The following ATP11C variants were observed in gnomAD, a reference collection of about 807,000 sequenced individuals.
ATP11C encodes ATPase phospholipid transporting 11C (ATP11C blood group).
Under a neutral mutation model 97.4 loss-of-function variants are expected in ATP11C, and 36 were observed. The ratio of observed to expected loss-of-function variants is 0.37; its 90% CI spans 0.28 to 0.49. The LOEUF is 0.49. ATP11C is among the 20% of genes least tolerant of loss of function. The pLI, the probability that ATP11C is intolerant of heterozygous loss-of-function variation, is 0.98. For missense variants in ATP11C, 730 were observed against 824.6 expected, an observed-to-expected ratio of 0.89 and a Z score of 1.40; for synonymous variants, 275 against 290.9, an observed-to-expected ratio of 0.95 and a Z score of 0.56.
chrX:139,909,544 C>G (rs1426133055), intron 1 of ATP11C, among the ~76,000 whole-genome samples: 1 of 111,403 alleles, frequency 9.0e-6, no homozygotes, highest in African/African-American at 3.3e-5. Context: ...CACATACACA[C>G]ACACACACAC....
At chrX:139,786,948 C>T (rs1169353744) in intron 15 of ATP11C, among the ~76,000 whole-genome samples, 2 of 112,324 alleles carry the variant, frequency 1.8e-5, no homozygotes, top group African/African-American at 6.5e-5. Flanking sequence ...ATTCTGGCTA[C>T]TGGACCCAGA....
intron 5 of ATP11C, among the ~76,000 whole-genome samples, chrX:139,805,765 A>G (rs2083028198): frequency 8.9e-6 from 1 of 112,207 alleles, no homozygotes; most frequent in African/African-American, 3.2e-5. Context: ...TGCAACACCC[A>G]ACTTCTATTT....
At chrX:139,764,931 A>T (rs2082106034) in intron 20 of ATP11C, among the ~76,000 whole-genome samples, 1 of 112,141 alleles carries the variant, frequency 8.9e-6, no homozygotes, top group Non-Finnish European at 1.9e-5. Flanking sequence ...TGTTTTTAAT[A>T]GGCTACAATA....
At chrX:139,861,225 A>C (rs971742893) in intron 1 of ATP11C, among the ~76,000 whole-genome samples, 7 of 112,201 alleles carry the variant, frequency 6.2e-5, no homozygotes, top group African/African-American at 2.3e-4. Context: ...CGTGAGAAAG[A>C]TTAGTTTCAA....
intron 28 of ATP11C, among the ~76,000 whole-genome samples, chrX:139,733,953 T>C (rs919950263): frequency 9.0e-6 from 1 of 111,317 alleles, no homozygotes; most frequent in African/African-American, 3.3e-5. Flanking sequence ...TTGATATAGC[T>C]AGCAACCGGC....
chrX:139,847,072 C>T (rs983268985), intron 1 of ATP11C, among the ~76,000 whole-genome samples: 2 of 110,853 alleles, frequency 1.8e-5, no homozygotes, highest in African/African-American at 6.6e-5. Flanking sequence ...TCCCTTCCCT[C>T]TCTCTCTCCC....
intron 1 of ATP11C, among the ~76,000 whole-genome samples, chrX:139,888,718 C>T (rs186945388): frequency 1.6e-3 from 181 of 110,371 alleles, no homozygotes; most frequent in African/African-American, 5.8e-3. Flanking sequence ...TTCATACTAC[C>T]CAGTATGAAA....
At chrX:139,768,228 A>C in intron 20 of ATP11C, 32 bp downstream of exon 20, 1 of 1,011,959 alleles carries the variant, frequency 9.9e-7, no homozygotes, top group Non-Finnish European at 1.3e-6. Flanking sequence ...AGAAGTATCC[A>C]GAATGGAACG....
chrX:139,832,804 G>C (rs2083677422), intron 1 of ATP11C, among the ~76,000 whole-genome samples: 1 of 112,143 alleles, frequency 8.9e-6, no homozygotes, highest in Non-Finnish European at 1.9e-5. Context: ...AGGTCCCTTA[G>C]GGATGGAAGA....
chrX:139,834,929 T>C (rs1236318570), intron 1 of ATP11C, among the ~76,000 whole-genome samples: 4 of 112,584 alleles, frequency 3.6e-5, no homozygotes, highest in African/African-American at 9.7e-5. Flanking sequence ...CCAAAATTTT[T>C]TGACCACAGA....
chrX:139,796,540 G>A, intron 11 of ATP11C, 70 bp from the exon 12 acceptor site: 1 of 701,891 alleles, frequency 1.4e-6, no homozygotes, highest in Non-Finnish European at 2.1e-6. Flanking sequence ...TATAAAGGAA[G>A]AATTAATTTC....
At chrX:139,796,942 T>C (rs990925369) in intron 11 of ATP11C, among the ~76,000 whole-genome samples, 2 of 109,404 alleles carry the variant, frequency 1.8e-5, no homozygotes, top group African/African-American at 6.5e-5. Context: ...TTTTCTTTTC[T>C]TTTTCTTTCT....
At chrX:139,757,681 G>A (rs1009338676) in intron 23 of ATP11C, 127 bp downstream of exon 23, 4 of 399,562 alleles carry the variant, frequency 1.0e-5, no homozygotes, top group Non-Finnish European at 1.2e-5. Flanking sequence ...AACATTTGCT[G>A]TTGTCAAAAC....
intron 2 of ATP11C, among the ~76,000 whole-genome samples, chrX:139,824,511 C>T (rs1006126894): frequency 9.0e-6 from 1 of 111,535 alleles, no homozygotes; most frequent in Admixed American, 9.5e-5. Context: ...CCCAGTGAAA[C>T]CCCATCTCTA....
chrX:139,828,885 A>G (rs186638450), intron 1 of ATP11C, among the ~76,000 whole-genome samples: 1 of 112,388 alleles, frequency 8.9e-6, no homozygotes, highest in East Asian at 2.8e-4. Context: ...ATTCCATGCC[A>G]AAGAACAAAA....
chrX:139,829,183 A>T (rs188628438), intron 1 of ATP11C, among the ~76,000 whole-genome samples: 28 of 111,641 alleles, frequency 2.5e-4, no homozygotes, highest in Non-Finnish European at 9.4e-5. Flanking sequence ...GCATTTTCCA[A>T]AATAGCATTT....
chrX:139,912,990 T>C (rs907923395), intron 1 of ATP11C, among the ~76,000 whole-genome samples: 1 of 111,915 alleles, frequency 8.9e-6, no homozygotes, highest in African/African-American at 3.2e-5. Flanking sequence ...GTTGAATCAC[T>C]GGCTGTAATA....
chrX:139,804,418 G>A, intron 6 of ATP11C, 53 bp downstream of exon 6: 1 of 1,051,991 alleles, frequency 9.5e-7, no homozygotes, highest in Non-Finnish European at 1.3e-6. Context: ...AGGCAGTATT[G>A]TATGATTAAC....
chrX:139,784,914 C>A (rs2082541670), intron 16 of ATP11C, among the ~76,000 whole-genome samples: 1 of 111,465 alleles, frequency 9.0e-6, no homozygotes, highest in South Asian at 3.8e-4. Context: ...TACTGGTAGA[C>A]TGGTCAGTAC....
Sources: allele counts gnomAD v4.1 joint callset (sites outside exome capture counted in the v4.1 genomes callset), GRCh38; gene constraint gnomAD v4.1.1; transcripts MANE v1.5; gene names NCBI Gene and HGNC (gene_info 2026-07-23, HGNC 2026-07-21).